KATNAL2: variants seen among roughly 807,000 people sequenced by gnomAD.
KATNAL2 encodes katanin p60 ATPase-containing subunit A-like 2.
A neutral mutation model predicts 76.3 loss-of-function variants in KATNAL2; 52 were observed. That is an observed-to-expected ratio of 0.68 (90% CI 0.55 to 0.86). The LOEUF (loss-of-function observed/expected upper bound fraction) is 0.86, where lower values mean the gene tolerates loss of function less well. Among genes scored for constraint, KATNAL2 ranks in the 40% least tolerant of loss-of-function variants. The pLI, the probability that KATNAL2 is intolerant of heterozygous loss-of-function variation, is 0.00. For missense variants in KATNAL2, 660 were observed against 668.9 expected, an observed-to-expected ratio of 0.99 and a Z score of 0.15; for synonymous variants, 243 against 244.2, an observed-to-expected ratio of 1.00 and a Z score of 0.05.
intron 13 of KATNAL2, among the ~76,000 whole-genome samples, chr18:47,070,916 T>C (rs927256325): frequency 6.6e-6 from 1 of 152,222 alleles, no homozygotes; most frequent in Admixed American, 6.5e-5. Flanking sequence ...GTTCCGAAGA[T>C]GGGGCTTGAA....
intron 3 of KATNAL2, among the ~76,000 whole-genome samples, chr18:47,044,020 T>A (rs1181036179): frequency 1.3e-5 from 2 of 152,110 alleles, no homozygotes; most frequent in African/African-American, 4.8e-5. Context: ...AACACACATA[T>A]CATGAAACAA....
At chr18:46,946,973 C>T in intron 3 of KATNAL2, 50 bp downstream of exon 3, 2 of 1,226,590 alleles carry the variant, frequency 1.6e-6, no homozygotes, top group Non-Finnish European at 2.3e-6. Flanking sequence ...CCCTCTCCTA[C>T]TGTTGCTGCG....
intron 15 of KATNAL2, among the ~76,000 whole-genome samples, chr18:47,081,866 T>G (rs1283337696): frequency 1.3e-5 from 2 of 152,182 alleles, no homozygotes; most frequent in Admixed American, 1.3e-4. Context: ...GATTACAGTC[T>G]CACAATTAGG....
chr18:47,093,991 C>A (rs186754056), intron 15 of KATNAL2, among the ~76,000 whole-genome samples: 51 of 152,310 alleles, frequency 3.3e-4, no homozygotes, highest in Non-Finnish European at 6.3e-4. Context: ...CCTCAAAATT[C>A]ATGTGTTAGA....
At chr18:46,935,640 G>A (rs932503195) in intron 1 of KATNAL2, among the ~76,000 whole-genome samples, 10 of 146,256 alleles carry the variant, frequency 6.8e-5, no homozygotes, top group African/African-American at 1.7e-4. Context: ...AAAAGAGCCC[G>A]GGCATGGTGG....
At chr18:46,928,596 T>C (rs1211523333) in intron 1 of KATNAL2, among the ~76,000 whole-genome samples, 1 of 152,164 alleles carries the variant, frequency 6.6e-6, no homozygotes, top group African/African-American at 2.4e-5. Context: ...GGAGAACCAC[T>C]ACTCTCTTCA....
intron 4 of KATNAL2, among the ~76,000 whole-genome samples, chr18:47,048,908 C>A (rs944768904): frequency 7.1e-6 from 1 of 141,782 alleles, no homozygotes; most frequent in Non-Finnish European, 1.5e-5. Context: ...GATCTCGGCT[C>A]ACTGCAAGCT....
At chr18:47,071,579 A>C (rs750293440) in intron 13 of KATNAL2, among the ~76,000 whole-genome samples, 15 of 152,098 alleles carry the variant, frequency 9.9e-5, no homozygotes, top group Non-Finnish European at 2.1e-4. Flanking sequence ...GAATTAGTTT[A>C]GGTTCATCTC....
chr18:46,949,024 G>A (rs886122714), intron 3 of KATNAL2, among the ~76,000 whole-genome samples: 1 of 151,694 alleles, frequency 6.6e-6, no homozygotes, highest in Admixed American at 6.6e-5. Context: ...AGCCTTTCAA[G>A]TAGCGGGAAC....
chr18:46,929,173 T>C (rs1295245406), intron 1 of KATNAL2, among the ~76,000 whole-genome samples: 1 of 151,914 alleles, frequency 6.6e-6, no homozygotes, highest in Non-Finnish European at 1.5e-5. Flanking sequence ...CAGCGTATAC[T>C]CTTCTGCTTG....
chr18:47,038,088 T>C (rs1037782096), intron 3 of KATNAL2, among the ~76,000 whole-genome samples: 12 of 151,012 alleles, frequency 7.9e-5, no homozygotes, highest in African/African-American at 2.9e-4. Context: ...GTGATTCTAA[T>C]AAAAAAAAAG....
intron 3 of KATNAL2, chr18:47,033,316 G>A (rs2060575622): frequency 1.2e-6 from 2 of 1,613,724 alleles, no homozygotes; most frequent in Non-Finnish European, 1.7e-6. Flanking sequence ...ATCATAAGGC[G>A]TCTTGGCCAC....
chr18:47,045,331 T>TTTCTTTTCTTTTCTTTTCTTTTC (rs758686226), intron 3 of KATNAL2, among the ~76,000 whole-genome samples: 181 of 39,672 alleles, frequency 4.6e-3, no homozygotes, highest in East Asian at 0.032. Context: ...TTTCTTTTCT[T>TTTCTTTTCTTTTCTTTTCTTTTC]TTTTTTTTTT....
intron 1 of KATNAL2, among the ~76,000 whole-genome samples, chr18:46,921,933 G>A (rs1459937523): frequency 6.6e-6 from 1 of 151,698 alleles, no homozygotes; most frequent in Non-Finnish European, 1.5e-5. Context: ...CAGTGCTCAG[G>A]CCTCCCAGAT....
intron 1 of KATNAL2, among the ~76,000 whole-genome samples, chr18:46,918,335 CA>C (rs1200911729): frequency 6.6e-6 from 1 of 152,156 alleles, no homozygotes; most frequent in Non-Finnish European, 1.5e-5. Flanking sequence ...GTCTTTAAAA[CA>C]ATGTAACTTT....
At chr18:47,051,220 G>A (rs1318277026) in intron 4 of KATNAL2, among the ~76,000 whole-genome samples, 2 of 152,014 alleles carry the variant, frequency 1.3e-5, no homozygotes, top group South Asian at 2.1e-4. Context: ...GAGACCAGAC[G>A]TTCGGGACCA....
intron 15 of KATNAL2, among the ~76,000 whole-genome samples, chr18:47,082,115 T>C (rs1450750119): frequency 2.0e-5 from 3 of 152,212 alleles, no homozygotes; most frequent in South Asian, 2.1e-4. Context: ...ATAACACCAA[T>C]ACTATCTTGA....
intron 3 of KATNAL2, among the ~76,000 whole-genome samples, chr18:46,968,175 T>C (rs1428188523): frequency 1.5e-4 from 18 of 119,562 alleles, no homozygotes; most frequent in South Asian, 2.6e-4. Context: ...CGATCTGCTT[T>C]CCTCGGCCTC....
At chr18:47,034,251 C>A in intron 3 of KATNAL2, 1 of 1,614,040 alleles carries the variant, frequency 6.2e-7, no homozygotes, top group Non-Finnish European at 8.5e-7. Flanking sequence ...TGGAAAGCTG[C>A]TCTTTCTCCT....
Sources: allele counts gnomAD v4.1 joint callset (sites outside exome capture counted in the v4.1 genomes callset), GRCh38; gene constraint gnomAD v4.1.1; transcripts MANE v1.5; gene names NCBI Gene and HGNC (gene_info 2026-07-23, HGNC 2026-07-21).